MACROD2: variants seen among roughly 807,000 people sequenced by gnomAD.
MACROD2 encodes the protein ADP-ribose glycohydrolase MACROD2.
In MACROD2, 36 loss-of-function variants were observed where a neutral mutation model predicts 70.4. The observed-to-expected ratio is 0.51, with a 90% CI of 0.39 to 0.68. The LOEUF (loss-of-function observed/expected upper bound fraction) is 0.68. Ranked by LOEUF, MACROD2 falls within the 30% of genes least tolerant of loss-of-function variation. The probability of loss-of-function intolerance (pLI) is 0.00; values close to 1 mark genes in which losing one functional copy is unlikely to be tolerated. For synonymous variants in MACROD2, 172 were observed against 178.8 expected (o/e 0.96, Z 0.30); for missense variants, 496 against 538.4 (o/e 0.92, Z 0.78).
chr20:14,965,419 C>T (rs962973511), intron 5 of MACROD2, among the ~76,000 whole-genome samples: 2 of 149,764 alleles, frequency 1.3e-5, no homozygotes, highest in Non-Finnish European at 3.0e-5. Context: ...CTAATTGTTT[C>T]CAACCTAGGG....
At chr20:14,040,107 C>T (rs887674719) in intron 2 of MACROD2, among the ~76,000 whole-genome samples, 1 of 151,976 alleles carries the variant, frequency 6.6e-6, no homozygotes, top group African/African-American at 2.4e-5. Flanking sequence ...TCGTGTGTTG[C>T]CAACAACAGG....
At chr20:15,311,153 A>G (rs957303342) in intron 6 of MACROD2, among the ~76,000 whole-genome samples, 1 of 152,186 alleles carries the variant, frequency 6.6e-6, no homozygotes, top group Admixed American at 6.5e-5. Flanking sequence ...TTTCTTATGC[A>G]TATTTTAGGA....
chr20:14,980,894 A>G (rs2074790972), intron 5 of MACROD2, among the ~76,000 whole-genome samples: 1 of 152,062 alleles, frequency 6.6e-6, no homozygotes, highest in South Asian at 2.1e-4. Context: ...GCTGCCTTTA[A>G]TCTAAGCCAC....
intron 6 of MACROD2, among the ~76,000 whole-genome samples, chr20:15,286,214 A>G (rs190118957): frequency 6.1e-4 from 93 of 152,320 alleles, no homozygotes; most frequent in African/African-American, 2.1e-3. Flanking sequence ...TGGATTGAAA[A>G]GAAAAAGAAA....
intron 3 of MACROD2, among the ~76,000 whole-genome samples, chr20:14,454,629 T>G (rs1201477088): frequency 1.3e-5 from 2 of 151,860 alleles, no homozygotes; most frequent in African/African-American, 4.8e-5. Flanking sequence ...TCTTTTATCA[T>G]TATCAGATTT....
intron 3 of MACROD2, among the ~76,000 whole-genome samples, chr20:14,456,882 A>G (rs2084309460): frequency 6.7e-6 from 1 of 150,142 alleles, no homozygotes; most frequent in African/African-American, 2.5e-5. Flanking sequence ...ACGCCCGGCC[A>G]ACTTTTTTGT....
At chr20:15,162,423 A>T (rs541692249) in intron 5 of MACROD2, among the ~76,000 whole-genome samples, 11 of 152,056 alleles carry the variant, frequency 7.2e-5, no homozygotes, top group Non-Finnish European at 1.3e-4. Context: ...TCGTGGTGAA[A>T]GGGTGGTCCA....
intron 15 of MACROD2, among the ~76,000 whole-genome samples, chr20:15,998,842 G>T (rs984693095): frequency 6.6e-6 from 1 of 152,030 alleles, no homozygotes; most frequent in Non-Finnish European, 1.5e-5. Flanking sequence ...GGGATTACAG[G>T]CATGAGCCAC....
At chr20:15,427,309 A>G (rs138204336) in intron 6 of MACROD2, among the ~76,000 whole-genome samples, 32 of 152,310 alleles carry the variant, frequency 2.1e-4, no homozygotes, top group Non-Finnish European at 4.4e-4. Context: ...AGACTCAATT[A>G]CTAAGTTGCA....
chr20:14,635,694 A>G (rs1033223104), intron 4 of MACROD2, among the ~76,000 whole-genome samples: 1 of 152,222 alleles, frequency 6.6e-6, no homozygotes, highest in African/African-American at 2.4e-5. Context: ...TCAATACTGT[A>G]TTCATGTATG....
chr20:14,734,623 T>C (rs1055597435), intron 5 of MACROD2, among the ~76,000 whole-genome samples: 3 of 150,516 alleles, frequency 2.0e-5, no homozygotes, highest in Admixed American at 2.0e-4. Context: ...AAAAAACAAC[T>C]TTTTTTTTCT....
At chr20:14,674,104 G>A (rs547078665) in intron 4 of MACROD2, among the ~76,000 whole-genome samples, 2 of 151,900 alleles carry the variant, frequency 1.3e-5, no homozygotes, top group African/African-American at 4.8e-5. Context: ...TAAGGTATTC[G>A]GTATATTGTA....
At chr20:14,494,338 C>T (rs6110311) in intron 4 of MACROD2, among the ~76,000 whole-genome samples, 4 of 151,952 alleles carry the variant, frequency 2.6e-5, no homozygotes, top group African/African-American at 9.7e-5. Context: ...TGTGCAGAGC[C>T]TTAGGCTTTC....
intron 5 of MACROD2, among the ~76,000 whole-genome samples, chr20:15,147,463 G>A (rs541220044): frequency 2.7e-4 from 41 of 150,508 alleles, no homozygotes; most frequent in Non-Finnish European, 5.2e-4. Flanking sequence ...CAGGGTCTTT[G>A]TGTAATTATA....
At chr20:14,202,036 G>A (rs1294695896) in intron 3 of MACROD2, among the ~76,000 whole-genome samples, 1 of 152,008 alleles carries the variant, frequency 6.6e-6, no homozygotes, top group African/African-American at 2.4e-5. Context: ...TAAATAATAT[G>A]TAACTACTAT....
chr20:15,391,822 T>C (rs1356202787), intron 6 of MACROD2, among the ~76,000 whole-genome samples: 1 of 152,238 alleles, frequency 6.6e-6, no homozygotes, highest in African/African-American at 2.4e-5. Flanking sequence ...GGCTTCACTT[T>C]TATTTGTAAA....
chr20:15,739,380 G>C (rs13045059), intron 8 of MACROD2, among the ~76,000 whole-genome samples: 13 of 151,984 alleles, frequency 8.6e-5, no homozygotes, highest in Admixed American at 7.9e-4. Flanking sequence ...TATAAATTCA[G>C]TTTCTACCCA....
chr20:14,000,308 T>C (rs1209247783), intron 1 of MACROD2, among the ~76,000 whole-genome samples: 1 of 152,218 alleles, frequency 6.6e-6, no homozygotes. Context: ...ATGTCACCTC[T>C]GATTAAGATA....
intron 5 of MACROD2, among the ~76,000 whole-genome samples, chr20:15,089,353 GA>G (rs2075776110): frequency 6.6e-6 from 1 of 152,200 alleles, no homozygotes; most frequent in Admixed American, 6.5e-5. Context: ...TTAGGCAGAA[GA>G]AATGTTTTAA....
Sources: allele counts gnomAD v4.1 joint callset (sites outside exome capture counted in the v4.1 genomes callset), GRCh38; gene constraint gnomAD v4.1.1; transcripts MANE v1.5; gene names NCBI Gene and HGNC (gene_info 2026-07-23, HGNC 2026-07-21).